The following MDM1 variants were observed in gnomAD, a reference collection of about 807,000 sequenced individuals.
The protein encoded by MDM1 is stabilizer of axonemal microtubules 6.
Under a neutral mutation model 89.1 loss-of-function variants are expected in MDM1, and 61 were observed. That is an observed-to-expected ratio of 0.68 (90% CI 0.56 to 0.85). The LOEUF is 0.85. MDM1 is among the 40% of genes least tolerant of loss of function. The probability of loss-of-function intolerance (pLI) is 0.00; values close to 1 mark genes in which losing one functional copy is unlikely to be tolerated. For synonymous variants in MDM1, 290 were observed against 294.1 expected, an observed-to-expected ratio of 0.99 and a Z score of 0.14; for missense variants, 820 against 846.5, an observed-to-expected ratio of 0.97 and a Z score of 0.39.
chr12:68,297,333 CAAG>C (rs1245929323), intron 13 of MDM1, among the ~76,000 whole-genome samples: 5 of 152,212 alleles, frequency 3.3e-5, no homozygotes, highest in African/African-American at 1.2e-4. Context: ...CACGCATTTA[CAAG>C]AAGAACAAAC....
At chr12:68,329,089 C>G (rs1412941089) in intron 2 of MDM1, among the ~76,000 whole-genome samples, 1 of 152,180 alleles carries the variant, frequency 6.6e-6, no homozygotes, top group African/African-American at 2.4e-5. Flanking sequence ...TGTAGGCGCT[C>G]AGCAGGGTGG....
chr12:68,306,842 ACT>A (rs780819963), intron 12 of MDM1, among the ~76,000 whole-genome samples: 5 of 152,206 alleles, frequency 3.3e-5, no homozygotes, highest in Non-Finnish European at 7.3e-5. Context: ...CAATCTCACT[ACT>A]GAGTATCTAC....
chr12:68,304,418 T>G (rs900250043), intron 12 of MDM1, among the ~76,000 whole-genome samples: 9 of 152,228 alleles, frequency 5.9e-5, no homozygotes, highest in Non-Finnish European at 1.2e-4. Context: ...GATATCATTT[T>G]CTGTGATTGC....
rs1448794722 is a variant in MDM1, at chr12:68,295,101, T to G, written c.*153A>C. 1.9e-6 allele frequency: 1 copy of G among 516,378 alleles called. No homozygotes were observed. The highest frequency in any genetic ancestry group is 2.0e-5 in the African/African-American group (1 of 51,226). 32.0% of individuals were successfully genotyped at this position (516,378 alleles called of 1,614,324 possible). ...TAAAAGTTAAATTTGTATAAGCCTA[T>G]GTTAACAATTTCCAAGTAAACTGTT... On this transcript the variant is annotated 3_prime_UTR_variant, in exon 15 of 15. Coordinates refer to ENST00000682720, the MANE Select transcript of MDM1 (RefSeq NM_001354969.2).
At chr12:68,330,942 A>G in intron 2 of MDM1, 165 bp downstream of exon 2, 1 of 595,136 alleles carries the variant, frequency 1.7e-6, no homozygotes, top group South Asian at 2.1e-5. Flanking sequence ...GTAAACCTTC[A>G]ATAAATACTT....
At chr12:68,298,763 C>T (rs1000366255) in intron 13 of MDM1, among the ~76,000 whole-genome samples, 1 of 152,182 alleles carries the variant, frequency 6.6e-6, no homozygotes, top group Admixed American at 6.5e-5. Flanking sequence ...ATTCACCCAC[C>T]TACCTTAGCC....
chr12:68,323,504 A>AT (rs1565782876), intron 4 of MDM1: 1 of 246,574 alleles, frequency 4.1e-6, no homozygotes, highest in South Asian at 9.1e-5. Flanking sequence ...TGACATAGAC[A>AT]TTAGCTTTAA....
intron 2 of MDM1, among the ~76,000 whole-genome samples, chr12:68,328,824 T>C (rs754426841): frequency 6.6e-6 from 1 of 152,198 alleles, no homozygotes; most frequent in Non-Finnish European, 1.5e-5. Context: ...GTAACACTGC[T>C]GTTGTTTTTT....
chr12:68,315,233 C>T lies in MDM1; in HGVS notation c.1244G>A (p.Cys415Tyr), dbSNP rs774676679. Residue 415 changes from cysteine to tyrosine, a missense_variant, in exon 10 of 15, where the codon TGT becomes TAT. Coordinates refer to ENST00000682720, the MANE Select transcript of MDM1 (RefSeq NM_001354969.2). ...DPTSHKTLQK[C>Y]PSTEPEEKGN... ...TTTTTCTTCTGGTTCTGTAGAAGGA[C>T]ATTTCTGCAAAGTCTTATGGCTTGT... 3.7e-6 allele frequency: 6 copies of T among 1,613,992 alleles called. No individual in the cohort carries two copies. The highest frequency in any genetic ancestry group is 3.4e-6 in the Non-Finnish European group (4 of 1,179,994).
At position 68,296,975 on chromosome 12, in the gene MDM1, T is replaced by C. The variant is rs556868083; in HGVS notation, c.2010A>G (p.Lys670=). The C allele has an allele frequency of 1.1e-5, 17 of 1,593,166 alleles. No homozygotes were observed. In the South Asian group the frequency reaches 2.0e-4, roughly 19 times the overall value. Residue 670 remains lysine (K), a synonymous_variant, in exon 14 of 15, where the codon AAA becomes AAG. Coordinates refer to ENST00000682720, the MANE Select transcript of MDM1 (RefSeq NM_001354969.2). The part of the protein sequence containing the change: ...RDPEFQHNVG[K]ARMNNLQLPQ... ...GTAACTGCAAATTGTTCATCCTTGC[T>C]TTTCCCACTTAAAAAAAAAAAGGCA...
At chr12:68,332,121 C>T in intron 1 of MDM1, 107 bp downstream of exon 1, 2 of 1,482,244 alleles carry the variant, frequency 1.3e-6, no homozygotes, top group South Asian at 2.4e-5. Flanking sequence ...GCAGCTTCCG[C>T]CGGGCAGAGG....
Position 68,326,831 on chromosome 12 carries a change from G to A in MDM1, c.324C>T (p.His108=). The A allele has an allele frequency of 6.2e-7, 1 of 1,613,942 alleles. No homozygotes were observed. The highest frequency in any genetic ancestry group is 8.5e-7 in the Non-Finnish European group (1 of 1,179,866). ...TGGGAACCCTGGAAGCTTCTAGTGA[G>A]TGAACTCTTTCTTGAGTAACATCCT... is the stretch of plus-strand genomic sequence containing the variant. ...EQKDVTQERV[H]SLEASRVPKR... is the part of the protein sequence containing the mutation. The change falls in exon 3 of 15, where the codon CAC becomes CAT. Residue 108 remains histidine, a synonymous_variant. Transcript: ENST00000682720.
intron 1 of MDM1, chr12:68,331,944 G>C: frequency 1.5e-6 from 1 of 682,750 alleles, no homozygotes; most frequent in Non-Finnish European, 2.7e-6. Flanking sequence ...TCTTCGCAAA[G>C]GGACCTCCTC....
intron 3 of MDM1, chr12:68,325,929 C>A: frequency 1.0e-6 from 1 of 996,926 alleles, no homozygotes. Flanking sequence ...TATGAACACC[C>A]CTTCTCCTGC....
At chr12:68,327,136 ACC>A (rs1876118775) in intron 2 of MDM1, 115 bp from the exon 3 acceptor site, 9 of 1,413,334 alleles carry the variant, frequency 6.4e-6, no homozygotes, top group African/African-American at 2.9e-5. Context: ...AGATATATGT[ACC>A]TATATATACA....
chr12:68,332,184 T>A, intron 1 of MDM1, 44 bp downstream of exon 1: 1 of 1,512,952 alleles, frequency 6.6e-7, no homozygotes, highest in Non-Finnish European at 8.9e-7. Flanking sequence ...TCCCCGGCCA[T>A]GGCTCCCCCC....
intron 13 of MDM1, among the ~76,000 whole-genome samples, chr12:68,298,863 T>C (rs1032449919): frequency 6.6e-6 from 1 of 151,926 alleles, no homozygotes; most frequent in Non-Finnish European, 1.5e-5. Context: ...AAAAATTAAA[T>C]AAATGAAAAA....
At chr12:68,318,509 T>C (rs748089404) in intron 7 of MDM1, among the ~76,000 whole-genome samples, 77 of 152,206 alleles carry the variant, frequency 5.1e-4, no homozygotes, top group Non-Finnish European at 8.5e-4. Flanking sequence ...ATATCAACAA[T>C]CTTTATTAAT....
intron 2 of MDM1, 50 bp from the exon 3 acceptor site, chr12:68,327,071 A>T: frequency 2.6e-6 from 4 of 1,520,050 alleles, no homozygotes; most frequent in Non-Finnish European, 3.5e-6. Flanking sequence ...AAAAAGTTAC[A>T]AAGACAACTT....
Sources: gnomAD v4.1 joint callset for allele counts (sites outside exome capture counted in the v4.1 genomes callset) on GRCh38, gnomAD v4.1.1 for gene constraint, MANE v1.5 for transcripts, NCBI Gene and HGNC (gene_info 2026-07-23, HGNC 2026-07-21) for gene names.